The following CDK16 variants were observed in gnomAD, a reference collection of about 807,000 sequenced individuals.
CDK16 encodes cyclin-dependent kinase 16.
Under a neutral mutation model 41.6 loss-of-function variants are expected in CDK16, and 2 were observed. The ratio of observed to expected loss-of-function variants is 0.05; its 90% CI spans 0.02 to 0.15. CDK16 has a LOEUF of 0.15. Among genes scored for constraint, CDK16 ranks in the 10% least tolerant of loss-of-function variants. The pLI is 1.00. For synonymous variants in CDK16, 169 were observed against 169.7 expected, an observed-to-expected ratio of 1.00 and a Z score of 0.03; for missense variants, 228 against 428.9, an observed-to-expected ratio of 0.53 and a Z score of 4.14.
At chrX:47,218,373 A>C (rs1246934463), upstream of CDK16, 1 of 374,014 alleles carries the variant, frequency 2.7e-6, no homozygotes, top group African/African-American at 2.6e-5. Flanking sequence ...AAGGGACTAG[A>C]ACTGAGTGCT....
At chrX:47,221,521 G>A (rs185092328) in intron 1 of CDK16, among the ~76,000 whole-genome samples, 2 of 110,852 alleles carry the variant, frequency 1.8e-5, no homozygotes, top group Admixed American at 9.5e-5. Context: ...GTTAGAGGTC[G>A]TGGACCCATG....
chrX:47,228,671 C>G, intron 15 of CDK16, 27 bp downstream of exon 15: 1 of 1,207,322 alleles, frequency 8.3e-7, no homozygotes. Context: ...GTCTTCCTCC[C>G]TGCCCCACCC....
Position 47,224,869 on chromosome X carries a change from T to A in CDK16, c.498T>A (p.Ile166=). The A allele has an allele frequency of 8.3e-7, 1 of 1,211,364 alleles. No individual in the cohort carries two copies. Among genetic ancestry groups the A allele is most frequent in the Non-Finnish European group, 1.1e-6 (1 of 895,402 alleles). The change falls in exon 5 of 16, where the codon ATT becomes ATA. Residue 166 remains isoleucine, a synonymous_variant. Coordinates refer to ENST00000357227, the MANE Select transcript of CDK16 (RefSeq NM_006201.5). The stretch of plus-strand genomic sequence containing the variant: ...GCTTTGGGAAACTGGAGACCTACAT[T>A]AAGCTGGACAAACTGGGCGAGGTGA... The part of the protein sequence containing the change: ...EIGFGKLETY[I]KLDKLGEGTY...
chrX:47,225,450 A>G (rs1232061841), intron 6 of CDK16, among the ~76,000 whole-genome samples: 2 of 112,092 alleles, frequency 1.8e-5, no homozygotes, highest in Non-Finnish European at 3.8e-5. Context: ...CTGCAGGCCT[A>G]TGTACTGAGG....
chrX:47,228,857 C>G lies in CDK16; in HGVS notation c.*89C>G. ...CCCAACTACATCTTCCCTGCTTACT[C>G]TCTGCCTACCTGCCTGAGCCATGTT... On this transcript the variant is annotated 3_prime_UTR_variant, in exon 16 of 16. Transcript: ENST00000357227. 4.3e-6 allele frequency: 4 copies of G among 929,474 alleles called. No individual in the cohort carries two copies. Among genetic ancestry groups the G allele is most frequent in the Non-Finnish European group, 6.1e-6 (4 of 657,291 alleles). The allele number at this position is 929,474 out of a possible 1,213,427, so 76.6% of individuals were successfully genotyped here.
intron 1 of CDK16, chrX:47,222,749 A>C: frequency 5.1e-6 from 1 of 195,163 alleles, no homozygotes; most frequent in Non-Finnish European, 9.6e-6. Context: ...TGGGGCGTGT[A>C]TTTGGGGTGA....
chrX:47,223,604 G>A lies in CDK16; in HGVS notation c.47G>A (p.Arg16Gln), dbSNP rs751693661. ...KIKRQLSMTL[R>Q]GGRGIDKTNG... ...AAACGGCAGCTGTCAATGACACTCCGAGGTGGCCGAGGCATAGACAAGACC... is the reference window on the plus strand; with the variant it reads ...AAACGGCAGCTGTCAATGACACTCCAAGGTGGCCGAGGCATAGACAAGACC... Residue 16 changes from arginine to glutamine, a missense_variant, in exon 2 of 16, where the codon CGA (arginine) becomes CAA (glutamine). Physicochemically the swap from Arg to Gln is conservative, Grantham distance 43. Coordinates refer to ENST00000357227, the MANE Select transcript of CDK16 (RefSeq NM_006201.5). 1.4e-5 allele frequency: 17 copies of A among 1,209,714 alleles called. No homozygotes were observed. The East Asian group carries it at 1.8e-4, about 13-fold the overall frequency.
At chrX:47,225,145 C>T in intron 6 of CDK16, 43 bp downstream of exon 6, 2 of 910,663 alleles carry the variant, frequency 2.2e-6, no homozygotes, top group Non-Finnish European at 3.1e-6. Flanking sequence ...CCCCAACCCA[C>T]CCCTGGCGCA....
intron 1 of CDK16, among the ~76,000 whole-genome samples, chrX:47,221,952 C>T (rs1003359639): frequency 8.9e-6 from 1 of 111,821 alleles, no homozygotes; most frequent in African/African-American, 3.3e-5. Flanking sequence ...TCCCTTGGGC[C>T]CAGGGCCATC....
chrX:47,227,718 C>T (rs2055256952), intron 14 of CDK16: 1 of 380,479 alleles, frequency 2.6e-6, no homozygotes, highest in South Asian at 4.7e-5. Context: ...TTAAAGTAGA[C>T]ATTTCCTTAC....
intron 1 of CDK16, chrX:47,222,996 T>C: frequency 1.4e-6 from 1 of 728,531 alleles, no homozygotes; most frequent in Non-Finnish European, 1.8e-6. Context: ...GATGATGCAG[T>C]GGTTGTCATG....
At chrX:47,228,269 C>T (rs1227714296) in intron 14 of CDK16, 1 of 249,234 alleles carries the variant, frequency 4.0e-6, no homozygotes, top group Non-Finnish European at 7.1e-6. Flanking sequence ...TATCTTCCCA[C>T]TGGATTAATA....
Position 47,228,834 on chromosome X carries a change from C to A in CDK16, c.*66C>A. 1 of 1,047,004 alleles carries A rather than the reference C, an allele frequency of 9.6e-7. No homozygotes were observed. 86.3% of individuals were successfully genotyped at this position (1,047,004 alleles called of 1,213,427 possible). A position where few individuals can be genotyped will look rare whatever the true frequency, so the allele number is the denominator to read the frequency against. Reference sequence around the variant, plus strand: ...GCCACACCCCTCACAGGGCAGCCCCCAACTACATCTTCCCTGCTTACTCTC... The same window carrying A: ...GCCACACCCCTCACAGGGCAGCCCCAAACTACATCTTCCCTGCTTACTCTC... On this transcript the variant is annotated 3_prime_UTR_variant, in exon 16 of 16. Coordinates refer to ENST00000357227, the MANE Select transcript of CDK16 (RefSeq NM_006201.5).
Position 47,218,737 on chromosome X carries a change from G to C in CDK16, c.-375G>C, listed in dbSNP as rs1246755974. On this transcript the variant is annotated 5_prime_UTR_variant, in exon 1 of 16. Transcript: ENST00000357227. ...ATGCGCGGAGCGCGGCGCGCGCGGC[G>C]GTTGGGCCGTTGGCTGTTCGGCCCT... 1 of 1,161,079 alleles carries C rather than the reference G, an allele frequency of 8.6e-7. No individual in the cohort carries two copies. The highest frequency in any genetic ancestry group is 3.3e-5 in the East Asian group (1 of 30,639).
At position 47,226,017 on chromosome X, in the gene CDK16, A is replaced by G; in HGVS notation, c.782A>G (p.His261Arg). The change falls in exon 8 of 16, where the codon CAC becomes CGC. Residue 261 changes from histidine (H) to arginine (R), a missense_variant. His to Arg is a conservative substitution (Grantham distance 29). Coordinates refer to ENST00000357227, the MANE Select transcript of CDK16 (RefSeq NM_006201.5). Reference sequence around the variant, plus strand: ...GACTGTGGGAACATCATCAACATGCACAACGTGAAAGTGGGTGTGGGGCAG... The same window carrying G: ...GACTGTGGGAACATCATCAACATGCGCAACGTGAAAGTGGGTGTGGGGCAG... ...LDDCGNIINMHNVKLFLFQLL... is the reference protein window; with the variant it reads ...LDDCGNIINMRNVKLFLFQLL... 8.3e-7 allele frequency: 1 copy of G among 1,199,253 alleles called. No individual in the cohort carries two copies. The highest frequency in any genetic ancestry group is 1.1e-6 in the Non-Finnish European group (1 of 888,670).
At chrX:47,223,497 G>A in intron 1 of CDK16, 55 bp from the exon 2 acceptor site, 1 of 1,134,981 alleles carries the variant, frequency 8.8e-7, no homozygotes, top group Middle Eastern at 2.4e-4. Flanking sequence ...GGGAACCCAT[G>A]GTGATCAAGC....
At position 47,229,299 on chromosome X, in the gene CDK16, G is replaced by GT. The variant is rs1253995442; in HGVS notation, c.*539dup. On this transcript the variant is annotated 3_prime_UTR_variant, in exon 16 of 16. Coordinates refer to ENST00000357227, the MANE Select transcript of CDK16 (RefSeq NM_006201.5). ...TTTAATTATTTTAAATGAGATTTTT[G>GT]TTTTTTTTAAATGCAATATCTCTGT... 15 of 189,252 alleles carry GT rather than the reference G, an allele frequency of 7.9e-5. No homozygotes were observed. The highest frequency in any genetic ancestry group is 9.9e-5 in the Non-Finnish European group (10 of 101,347). 15.6% of individuals were successfully genotyped at this position (189,252 alleles called of 1,213,427 possible).
At chrX:47,219,575 C>T (rs1556796591) in intron 1 of CDK16, among the ~76,000 whole-genome samples, 1 of 110,364 alleles carries the variant, frequency 9.1e-6, no homozygotes, top group East Asian at 2.9e-4. Flanking sequence ...GGGATTATGT[C>T]CGCAGAGAGG....
In CDK16 at chrX:47,218,940, TC is replaced by T; in HGVS notation, c.-171del. On this transcript the variant is annotated 5_prime_UTR_variant, in exon 1 of 16. The change creates a premature stop within an existing upstream ORF in the 5' untranslated region. Coordinates refer to ENST00000357227, the MANE Select transcript of CDK16 (RefSeq NM_006201.5). Reference sequence around the variant, plus strand: ...CGCCGCCGCCGCCGCCTCCTCCTCCTCAGCCGGCGGCGGCCCGGGCCCAGCA... The same window carrying T: ...CGCCGCCGCCGCCGCCTCCTCCTCCTAGCCGGCGGCGGCCCGGGCCCAGCA... 1 of 994,126 alleles carries T rather than the reference TC, an allele frequency of 1.0e-6. No individual in the cohort carries two copies. Among genetic ancestry groups the T allele is most frequent in the Non-Finnish European group, 1.3e-6 (1 of 788,989 alleles). 81.9% of individuals were successfully genotyped at this position (994,126 alleles called of 1,213,427 possible).
Sources: allele counts gnomAD v4.1 joint callset (sites outside exome capture counted in the v4.1 genomes callset), GRCh38; gene constraint gnomAD v4.1.1; transcripts MANE v1.5; gene names NCBI Gene and HGNC (gene_info 2026-07-23, HGNC 2026-07-21).